ACYP2: variants seen among roughly 807,000 people sequenced by gnomAD.
The protein encoded by ACYP2 is acylphosphatase 2, also known as acylphosphatase-2.
Under a neutral mutation model 11.2 loss-of-function variants are expected in ACYP2, and 12 were observed. That is an observed-to-expected ratio of 1.08 (90% confidence interval 0.69 to 1.74). The LOEUF is 1.74. ACYP2 is among the 40% of genes most tolerant of loss of function. ACYP2 has a pLI of 0.00. For missense variants in ACYP2, 134 were observed against 101.9 expected, an observed-to-expected ratio of 1.31 and a Z score of -1.35; for synonymous variants, 43 against 32.2, an observed-to-expected ratio of 1.33 and a Z score of -1.13.
chr2:54,212,094 T>A (rs1685350817), intron 6 of ACYP2, among the ~76,000 whole-genome samples: 1 of 152,170 alleles, frequency 6.6e-6, no homozygotes, highest in Non-Finnish European at 1.5e-5. Context: ...CTAGTAGTGG[T>A]GATGGCGTGG....
chr2:54,228,500 C>A (rs2103962171), intron 6 of ACYP2, among the ~76,000 whole-genome samples: 1 of 152,232 alleles, frequency 6.6e-6, no homozygotes, highest in South Asian at 2.1e-4. Context: ...CTTTCAGATT[C>A]AGGGAACTTG....
At chr2:54,010,677 CTATG>C (rs1336129714) in intron 2 of ACYP2, among the ~76,000 whole-genome samples, 1 of 149,160 alleles carries the variant, frequency 6.7e-6, no homozygotes, top group Non-Finnish European at 1.5e-5. Flanking sequence ...TCAAAGGAAA[CTATG>C]TAATCCATTA....
At chr2:54,219,554 T>A (rs1572951765) in intron 6 of ACYP2, among the ~76,000 whole-genome samples, 1 of 152,192 alleles carries the variant, frequency 6.6e-6, no homozygotes, top group Non-Finnish European at 1.5e-5. Flanking sequence ...ATTCACAGAT[T>A]AGTTCATTCG....
rs1671842469 is a variant in ACYP2, at chr2:53,982,874, GA to G, written c.62+9065del. Among the ~76,000 whole-genome samples, 3 of 144,136 alleles carry G rather than the reference GA, an allele frequency of 2.1e-5. No individual in the cohort carries two copies. The East Asian group carries it at 6.4e-4, about 31-fold the overall frequency. 94.6% of individuals were successfully genotyped at this position (144,136 alleles called of 152,430 possible). ...TGTGTGTGTGTGTGTGTGTGTGTGT[GA>G]TATAAATAGGTTCAGGGAGAACCAG... On this transcript the variant is annotated intron_variant, in intron 2 of 6. Transcript: ENST00000607452.
At chr2:54,148,115 C>T (rs1029370537) in intron 6 of ACYP2, among the ~76,000 whole-genome samples, 6 of 151,882 alleles carry the variant, frequency 4.0e-5, no homozygotes, top group African/African-American at 9.7e-5. Flanking sequence ...AAGGCAGGAA[C>T]GAGTAAAGGA....
intron 2 of ACYP2, among the ~76,000 whole-genome samples, chr2:53,980,252 C>T (rs866868249): frequency 6.6e-6 from 1 of 151,896 alleles, no homozygotes; most frequent in Non-Finnish European, 1.5e-5. Context: ...ACCTGGGAGG[C>T]TGAAGTGGGA....
At chr2:54,256,310 C>T (rs942594654) in intron 6 of ACYP2, 1 of 711,114 alleles carries the variant, frequency 1.4e-6, no homozygotes, top group Non-Finnish European at 2.4e-6. Flanking sequence ...ACTCACTCCT[C>T]AGTCTCGCGA....
chr2:54,227,083 G>A (rs1383850691), intron 6 of ACYP2, among the ~76,000 whole-genome samples: 1 of 152,146 alleles, frequency 6.6e-6, no homozygotes, highest in African/African-American at 2.4e-5. Flanking sequence ...CTGAATGTGA[G>A]TAAAATTTGG....
chr2:54,208,816 T>C (rs1685203615), intron 6 of ACYP2, among the ~76,000 whole-genome samples: 1 of 152,138 alleles, frequency 6.6e-6, no homozygotes, highest in Non-Finnish European at 1.5e-5. Context: ...TCAAATTTTA[T>C]GGGAGTAGGC....
At chr2:54,090,706 C>T (rs897078459) in intron 4 of ACYP2, among the ~76,000 whole-genome samples, 2 of 152,070 alleles carry the variant, frequency 1.3e-5, no homozygotes, top group African/African-American at 4.8e-5. Flanking sequence ...CTAGGATTCT[C>T]TTACGCCTGG....
intron 6 of ACYP2, among the ~76,000 whole-genome samples, chr2:54,266,995 T>G (rs890817790): frequency 2.5e-4 from 38 of 152,182 alleles, no homozygotes; most frequent in Non-Finnish European, 2.5e-4. Flanking sequence ...CCTATAAAGC[T>G]CTTCCTTTTA....
chr2:54,037,706 C>A (rs754421004), intron 2 of ACYP2, among the ~76,000 whole-genome samples: 16 of 152,104 alleles, frequency 1.1e-4, no homozygotes, highest in Non-Finnish European at 2.2e-4. Flanking sequence ...TAATGCCCGG[C>A]CTAAAACATG....
intron 6 of ACYP2, among the ~76,000 whole-genome samples, chr2:54,175,707 A>C (rs1051700899): frequency 1.1e-4 from 16 of 152,176 alleles, no homozygotes; most frequent in Admixed American, 5.9e-4. Context: ...TTATCAAACT[A>C]ATACATACTG....
intron 6 of ACYP2, among the ~76,000 whole-genome samples, chr2:54,241,456 A>G (rs914439741): frequency 1.3e-5 from 2 of 152,190 alleles, no homozygotes; most frequent in East Asian, 1.9e-4. Context: ...TCAAGGCATG[A>G]TACCCTGGGC....
intron 6 of ACYP2, among the ~76,000 whole-genome samples, chr2:54,245,733 A>C (rs1279480001): frequency 2.8e-4 from 40 of 144,456 alleles, no homozygotes; most frequent in Admixed American, 2.6e-3. Context: ...TGCTGTTGCG[A>C]TGTTTGATTT....
chr2:54,304,761 A>G lies in ACYP2; in HGVS notation c.478A>G (p.Ile160Val). The G allele has an allele frequency of 6.2e-7, 1 of 1,611,818 alleles. No homozygotes were observed. Among genetic ancestry groups the G allele is most frequent in the Admixed American group, 1.7e-5 (1 of 60,008 alleles). ...CACAAACTTTTCTAATGAAAAAACCATCTCTAAGCTTGAATACTCTAATTT... is the reference window on the plus strand; with the variant it reads ...CACAAACTTTTCTAATGAAAAAACCGTCTCTAAGCTTGAATACTCTAATTT... Residue 160 changes from isoleucine (I) to valine (V), a missense_variant, in exon 7 of 7, where the codon ATC (isoleucine) becomes GTC (valine). Coordinates refer to ENST00000607452, the MANE Select transcript of ACYP2 (RefSeq NM_001320586.2).
At chr2:54,249,003 G>C (rs1453676614) in intron 6 of ACYP2, among the ~76,000 whole-genome samples, 2 of 152,010 alleles carry the variant, frequency 1.3e-5, no homozygotes, top group Non-Finnish European at 2.9e-5. Context: ...GGCTACTTAA[G>C]GAATAGTAAG....
intron 4 of ACYP2, among the ~76,000 whole-genome samples, chr2:54,130,794 C>T (rs191547111): frequency 5.3e-5 from 8 of 152,288 alleles, no homozygotes; most frequent in Admixed American, 5.2e-4. Context: ...GCCCTGATCT[C>T]AAACCTCGGG....
At chr2:53,981,822 C>G (rs994302743) in intron 2 of ACYP2, among the ~76,000 whole-genome samples, 2 of 152,132 alleles carry the variant, frequency 1.3e-5, no homozygotes, top group African/African-American at 4.8e-5. Context: ...TAAGTACACT[C>G]TGATGTTTGT....
Sources: allele counts gnomAD v4.1 joint callset (sites outside exome capture counted in the v4.1 genomes callset), GRCh38; gene constraint gnomAD v4.1.1; transcripts MANE v1.5; gene names NCBI Gene and HGNC (gene_info 2026-07-23, HGNC 2026-07-21).